Variants in PDE4D observed in about 807,000 individuals in gnomAD.
PDE4D encodes the protein phosphodiesterase 4D.
In PDE4D, 24 loss-of-function variants were observed where a neutral mutation model predicts 87.4. The ratio of observed to expected loss-of-function variants is 0.27; its 90% CI spans 0.20 to 0.39. The LOEUF (loss-of-function observed/expected upper bound fraction) is 0.39. Among genes scored for constraint, PDE4D ranks in the 10% least tolerant of loss-of-function variants. The pLI, the probability that PDE4D is intolerant of heterozygous loss-of-function variation, is 1.00. For synonymous variants in PDE4D, 384 were observed against 383.2 expected (o/e 1.00, Z -0.02); for missense variants, 714 against 1,041.0 (o/e 0.69, Z 4.32).
intron 2 of PDE4D, among the ~76,000 whole-genome samples, chr5:59,203,655 C>T (rs1326824504): frequency 2.0e-5 from 3 of 151,880 alleles, no homozygotes; most frequent in African/African-American, 4.8e-5. Context: ...TAGAATCCTA[C>T]TCAGGCTTAA....
chr5:59,619,769 A>T (rs1311538725), intron 1 of PDE4D, among the ~76,000 whole-genome samples: 1 of 152,158 alleles, frequency 6.6e-6, no homozygotes, highest in Non-Finnish European at 1.5e-5. Flanking sequence ...TCTGAGTAAA[A>T]CAAAGACTAA....
intron 1 of PDE4D, among the ~76,000 whole-genome samples, chr5:59,476,513 G>C (rs910347542): frequency 6.6e-6 from 1 of 152,000 alleles, no homozygotes; most frequent in Non-Finnish European, 1.5e-5. Context: ...TTTTCTCTGA[G>C]AAGCTTAACT....
chr5:60,507,892 T>G (rs1434873164), intron 1 of PDE4D, among the ~76,000 whole-genome samples: 1 of 152,228 alleles, frequency 6.6e-6, no homozygotes, highest in Non-Finnish European at 1.5e-5. Context: ...AACCTCAGAC[T>G]GACTTATAAA....
rs1047228167 is a variant in PDE4D at position 60,385,194 on chromosome 5, G to A, written c.-90+102748C>T. Among the ~76,000 whole-genome samples the A allele has an allele frequency of 4.6e-5, 7 of 152,152 alleles. No homozygotes were observed. The South Asian group carries it at 6.2e-4, about 14-fold the overall frequency. ...AGAATTTAAGCATGAGTAGTTTTTC[G>A]AGAAGGGATTCCAGGAAGCAAAATG... On this transcript the variant is annotated intron_variant, in intron 1 of 16. Transcript: ENST00000502484.
intron 5 of PDE4D, among the ~76,000 whole-genome samples, chr5:59,118,519 T>C (rs1194208967): frequency 6.6e-6 from 1 of 152,238 alleles, no homozygotes; most frequent in Non-Finnish European, 1.5e-5. Context: ...TCTAGCACTT[T>C]TCCACAATAT....
At chr5:59,108,606 A>G (rs576656892) in intron 5 of PDE4D, among the ~76,000 whole-genome samples, 1 of 152,274 alleles carries the variant, frequency 6.6e-6, no homozygotes, top group South Asian at 2.1e-4. Flanking sequence ...TACCTTAAAA[A>G]ATATTGGCCA....
chr5:59,863,206 T>C (rs1372958500), intron 1 of PDE4D, among the ~76,000 whole-genome samples: 3 of 152,196 alleles, frequency 2.0e-5, no homozygotes, highest in East Asian at 3.8e-4. Context: ...GCATTTCTAA[T>C]ACTAAATTCC....
At chr5:60,029,310 A>C (rs1766972653) in intron 2 of PDE4D, among the ~76,000 whole-genome samples, 1 of 152,150 alleles carries the variant, frequency 6.6e-6, no homozygotes, top group South Asian at 2.1e-4. Context: ...CATTCTATTC[A>C]AAGTCACCCC....
intron 1 of PDE4D, among the ~76,000 whole-genome samples, chr5:59,358,443 G>C (rs1781732111): frequency 6.6e-6 from 1 of 152,120 alleles, no homozygotes; most frequent in South Asian, 2.1e-4. Flanking sequence ...CACTTTCCTG[G>C]TGTTCTCAAA....
intron 1 of PDE4D, among the ~76,000 whole-genome samples, chr5:60,430,535 GTTTT>G (rs367558098): frequency 3.8e-4 from 49 of 128,142 alleles, no homozygotes; most frequent in Non-Finnish European, 6.9e-4. Context: ...TTTGTGTTTT[GTTTT>G]TTTTTGTTTG....
intron 1 of PDE4D, among the ~76,000 whole-genome samples, chr5:59,235,254 G>T (rs1756142688): frequency 6.6e-6 from 1 of 152,166 alleles, no homozygotes; most frequent in Admixed American, 6.5e-5. Context: ...AGTTCCATCT[G>T]TGCCCCTGAT....
rs1403784967 is a variant in PDE4D, at chr5:60,262,999, T to A, written c.-89-77312A>T. ...GAGCAGCAAAGGAGAAATCACTACATATTATAAACAAAAACTCAGTCTTCA... is the reference window on the plus strand; with the variant it reads ...GAGCAGCAAAGGAGAAATCACTACAAATTATAAACAAAAACTCAGTCTTCA... On this transcript the variant is annotated intron_variant, in intron 1 of 16. Transcript: ENST00000502484. Among the ~76,000 whole-genome samples, 4 of 152,198 alleles carry A rather than the reference T, an allele frequency of 2.6e-5. No homozygotes were observed. In the East Asian group the frequency reaches 7.7e-4, roughly 29 times the overall value.
chr5:59,030,227 T>C (rs1217276290), intron 6 of PDE4D, among the ~76,000 whole-genome samples: 1 of 151,626 alleles, frequency 6.6e-6, no homozygotes, highest in Non-Finnish European at 1.5e-5. Flanking sequence ...AGCAACCAAA[T>C]AATAGAGTGA....
chr5:60,318,693 C>A (rs1026741828), intron 1 of PDE4D, among the ~76,000 whole-genome samples: 12 of 152,090 alleles, frequency 7.9e-5, no homozygotes, highest in African/African-American at 2.7e-4. Flanking sequence ...GTGACAAAAT[C>A]TCTCAGCATT....
intron 1 of PDE4D, among the ~76,000 whole-genome samples, chr5:59,458,315 T>C (rs771329106): frequency 2.0e-5 from 3 of 152,236 alleles, no homozygotes; most frequent in African/African-American, 4.8e-5. Flanking sequence ...CAATACATAT[T>C]TGGTGAAAGA....
chr5:60,036,427 A>G (rs4700356), intron 2 of PDE4D, among the ~76,000 whole-genome samples: 53 of 152,332 alleles, frequency 3.5e-4, no homozygotes, highest in Admixed American at 3.4e-3. Context: ...TCATCAGCAG[A>G]GTGAATCACA....
chr5:60,378,831 C>T (rs144198932), intron 1 of PDE4D, among the ~76,000 whole-genome samples: 2,398 of 150,544 alleles, frequency 0.016, 59 homozygotes, highest in African/African-American at 0.051. Flanking sequence ...CCAGCCTGGG[C>T]GACAGAGCGA....
intron 2 of PDE4D, among the ~76,000 whole-genome samples, chr5:60,054,663 A>G (rs1770584055): frequency 6.8e-6 from 1 of 147,744 alleles, no homozygotes; most frequent in Non-Finnish European, 1.5e-5. Context: ...CATGTATCCC[A>G]GAAATTAAAG....
At chr5:60,364,839 A>G (rs968076490) in intron 1 of PDE4D, among the ~76,000 whole-genome samples, 95 of 152,316 alleles carry the variant, frequency 6.2e-4, no homozygotes, top group African/African-American at 2.2e-3. Context: ...TATACAGATT[A>G]CCTCTATCCC....
Sources: allele counts gnomAD v4.1 joint callset (sites outside exome capture counted in the v4.1 genomes callset), GRCh38; gene constraint gnomAD v4.1.1; transcripts MANE v1.5; gene names NCBI Gene and HGNC (gene_info 2026-07-23, HGNC 2026-07-21).